Variants in RYR3 observed in about 807,000 individuals in gnomAD.
RYR3 encodes the protein ryanodine receptor 3.
RYR3 carries 207 observed loss-of-function variants against 584.3 expected under a neutral mutation model. That is an observed-to-expected ratio of 0.35 (90% CI 0.32 to 0.40). The LOEUF is 0.40. Ranked by LOEUF, RYR3 falls within the 10% of genes least tolerant of loss-of-function variation. RYR3 has a pLI of 1.00. For missense variants in RYR3, 5,616 were observed against 6,089.2 expected (o/e 0.92, Z 2.59); for synonymous variants, 2,416 against 2,248.5 (o/e 1.07, Z -2.11).
chr15:33,801,433 G>A (rs2075912686), intron 68 of RYR3, among the ~76,000 whole-genome samples: 1 of 152,158 alleles, frequency 6.6e-6, no homozygotes, highest in Admixed American at 6.5e-5. Context: ...GAAAGGGAAG[G>A]GGATTCTCTA....
chr15:33,701,893 G>C (rs913235200), intron 42 of RYR3, among the ~76,000 whole-genome samples: 1 of 152,074 alleles, frequency 6.6e-6, no homozygotes, highest in South Asian at 2.1e-4. Flanking sequence ...TAGGAGACTG[G>C]GTATGACTGA....
In RYR3 at chr15:33,759,896, G is replaced by T. The variant is rs539997202; in HGVS notation, c.8705+2300G>T. The stretch of plus-strand genomic sequence containing the variant: ...ATGTTAAGGGCAGCCAGAGAGAAAG[G>T]TAGGGTTACCCACAAAGGGAAGCCC... On this transcript the variant is annotated intron_variant, in intron 60 of 103. Transcript: ENST00000634891. 1.6e-4 allele frequency among the ~76,000 whole-genome samples: 25 copies of T among 152,228 alleles called. 1 individual carries two copies. Among genetic ancestry groups the T allele is most frequent in the Admixed American group, 1.6e-3 (25 of 15,288 alleles).
intron 32 of RYR3, among the ~76,000 whole-genome samples, chr15:33,655,024 CA>C (rs1383051071): frequency 6.6e-6 from 1 of 152,208 alleles, no homozygotes; most frequent in Admixed American, 6.5e-5. Context: ...AGCCTGTTGG[CA>C]CAGAGGCCGC....
At chr15:33,324,859 T>A (rs1969473024) in intron 1 of RYR3, among the ~76,000 whole-genome samples, 1 of 152,166 alleles carries the variant, frequency 6.6e-6, no homozygotes, top group South Asian at 2.1e-4. Flanking sequence ...TATGGAATGA[T>A]CCACTGGGGA....
At chr15:33,524,692 G>T (rs922551626) in intron 3 of RYR3, among the ~76,000 whole-genome samples, 1 of 151,814 alleles carries the variant, frequency 6.6e-6, no homozygotes, top group Non-Finnish European at 1.5e-5. Context: ...CCCCACTTTT[G>T]CAAATTTTGC....
At chr15:33,582,636 T>A (rs609106) in intron 14 of RYR3, among the ~76,000 whole-genome samples, 7,919 of 152,268 alleles carry the variant, frequency 0.052, 633 homozygotes, top group African/African-American at 0.17. Flanking sequence ...TCACTGATGA[T>A]GAAACTGACG....
chr15:33,825,744 T>TTC (rs1229109876), intron 82 of RYR3, 68 bp downstream of exon 82: 2 of 384,698 alleles, frequency 5.2e-6, no homozygotes, highest in Non-Finnish European at 7.7e-6. Context: ...TTTTTTTTTT[T>TTC]TTCCCCATAC....
intron 38 of RYR3, among the ~76,000 whole-genome samples, chr15:33,695,837 G>A (rs976670914): frequency 6.6e-6 from 1 of 151,012 alleles, no homozygotes; most frequent in African/African-American, 2.4e-5. Flanking sequence ...CCAGGCTGCA[G>A]TGCAGTGATG....
chr15:33,506,335 A>G (rs906865247), intron 3 of RYR3, among the ~76,000 whole-genome samples: 2 of 152,236 alleles, frequency 1.3e-5, no homozygotes, highest in East Asian at 1.9e-4. Flanking sequence ...GTAGAAACCA[A>G]TACATTAAAT....
intron 46 of RYR3, 103 bp from the exon 47 acceptor site, chr15:33,728,754 G>A: frequency 9.5e-7 from 1 of 1,051,244 alleles, no homozygotes; most frequent in Non-Finnish European, 1.3e-6. Flanking sequence ...AAAAATTCTT[G>A]TCCCTTATAG....
At chr15:33,398,320 A>G (rs2042421792) in intron 1 of RYR3, among the ~76,000 whole-genome samples, 1 of 152,182 alleles carries the variant, frequency 6.6e-6, no homozygotes, top group Non-Finnish European at 1.5e-5. Flanking sequence ...TATCAGGCGC[A>G]CCATTCTTAG....
Position 33,332,824 on chromosome 15 carries a change from T to C in RYR3, c.51+21728T>C, listed in dbSNP as rs1348409168. On this transcript the variant is annotated intron_variant, in intron 1 of 103. Coordinates refer to ENST00000634891, the MANE Select transcript of RYR3 (RefSeq NM_001036.6). Reference sequence around the variant, plus strand: ...AGCTCAAGCAATACTTAGAAAAAAATCTGTATTCTTAAAGCAGGGTGGGCA... The same window carrying C: ...AGCTCAAGCAATACTTAGAAAAAAACCTGTATTCTTAAAGCAGGGTGGGCA... 3.3e-5 allele frequency among the ~76,000 whole-genome samples: 5 copies of C among 151,986 alleles called. No individual in the cohort carries two copies. In the East Asian group the frequency reaches 7.7e-4, roughly 23 times the overall value.
chr15:33,577,557 C>A (rs561322233), intron 12 of RYR3, among the ~76,000 whole-genome samples: 3 of 152,084 alleles, frequency 2.0e-5, no homozygotes, highest in Non-Finnish European at 4.4e-5. Flanking sequence ...GGAGAACTGG[C>A]GAGCCATGTG....
chr15:33,849,379 C>T (rs969768215), intron 94 of RYR3: 1 of 152,156 alleles, frequency 6.6e-6, no homozygotes, highest in Non-Finnish European at 1.5e-5. Context: ...ACAAGGTAAT[C>T]AAGCCTTCTC....
rs2043464262 is a variant in RYR3 at position 33,412,290 on chromosome 15, T to C, written c.52-61129T>C. Among the ~76,000 whole-genome samples, 1 of 152,180 alleles carries C rather than the reference T, an allele frequency of 6.6e-6. No homozygotes were observed. Among genetic ancestry groups the C allele is most frequent in the Admixed American group, 6.5e-5 (1 of 15,286 alleles). ...GGCTGGGAAGGCCATGGGTTGTTCT[T>C]GGCACGGACTTGCCAGTGACCTCTT... On this transcript the variant is annotated intron_variant, in intron 1 of 103. Coordinates refer to ENST00000634891, the MANE Select transcript of RYR3 (RefSeq NM_001036.6). This position sits in a 1 kb window ranked among gnomAD's most constrained non-coding sequence, Gnocchi z 4.3.
chr15:33,610,717 G>T (rs2060138943), intron 18 of RYR3, among the ~76,000 whole-genome samples: 1 of 152,126 alleles, frequency 6.6e-6, no homozygotes, highest in African/African-American at 2.4e-5. Context: ...GATTTTTTGG[G>T]TTTGGGAATA....
chr15:33,517,850 G>A (rs1312283081), intron 3 of RYR3, among the ~76,000 whole-genome samples: 1 of 152,156 alleles, frequency 6.6e-6, no homozygotes, highest in Non-Finnish European at 1.5e-5. Flanking sequence ...ATATTAGTAT[G>A]ATACCAGAAA....
intron 67 of RYR3, among the ~76,000 whole-genome samples, chr15:33,799,662 G>A (rs559247924): frequency 6.6e-6 from 1 of 152,328 alleles, no homozygotes; most frequent in Admixed American, 6.5e-5. Context: ...AGCTGCTCTA[G>A]CAAATTATTG....
intron 92 of RYR3, among the ~76,000 whole-genome samples, 193 bp downstream of exon 92, chr15:33,843,767 T>C (rs1160968464): frequency 6.6e-6 from 1 of 152,168 alleles, no homozygotes; most frequent in Non-Finnish European, 1.5e-5. Flanking sequence ...AGAGAGCCAG[T>C]GAGGGGACTA....
Sources: gnomAD v4.1 joint callset for allele counts (sites outside exome capture counted in the v4.1 genomes callset) on GRCh38, gnomAD v4.1.1 for gene constraint, Gnocchi (gnomAD v3.1) non-coding constraint, MANE v1.5 for transcripts, NCBI Gene and HGNC (gene_info 2026-07-23, HGNC 2026-07-21) for gene names.